The following ZZZ3 variants were observed in gnomAD, a reference collection of about 807,000 sequenced individuals.
ZZZ3 encodes ZZ-type zinc finger-containing protein 3.
ZZZ3 carries 22 observed loss-of-function variants against 95.2 expected under a neutral mutation model. The ratio of observed to expected loss-of-function variants is 0.23; its 90% CI spans 0.17 to 0.33. The LOEUF is 0.33. Among genes scored for constraint, ZZZ3 ranks in the 10% least tolerant of loss-of-function variants. The pLI, the probability that ZZZ3 is intolerant of heterozygous loss-of-function variation, is 1.00. For synonymous variants in ZZZ3, 335 were observed against 358.9 expected (o/e 0.93, Z 0.75); for missense variants, 885 against 1,066.5 (o/e 0.83, Z 2.37).
chr1:77,563,199 A>T lies in ZZZ3; in HGVS notation c.*2441T>A, dbSNP rs1660558691. The T allele has an allele frequency of 6.9e-6, 1 of 145,116 alleles. No individual in the cohort carries two copies. Among genetic ancestry groups the T allele is most frequent in the Admixed American group, 6.7e-5 (1 of 14,862 alleles). The allele number at this position is 145,116 out of a possible 1,614,324, so 9.0% of individuals were successfully genotyped here. A position where few individuals can be genotyped will look rare whatever the true frequency, so the allele number is the denominator to read the frequency against. ...TTGAGCACAATATATCAGGAAATAGATCTTATCTACTGAATACCACTGAAT... is the reference window on the plus strand; with the variant it reads ...TTGAGCACAATATATCAGGAAATAGTTCTTATCTACTGAATACCACTGAAT... On this transcript the variant is annotated 3_prime_UTR_variant, in exon 15 of 15. Coordinates refer to ENST00000370801, the MANE Select transcript of ZZZ3 (RefSeq NM_015534.6).
At chr1:77,629,430 C>T (rs1471573155) in intron 5 of ZZZ3, among the ~76,000 whole-genome samples, 1 of 152,122 alleles carries the variant, frequency 6.6e-6, no homozygotes, top group Non-Finnish European at 1.5e-5. Context: ...TCAGCCTGGA[C>T]AACATGGCGA....
At chr1:77,575,190 A>G (rs567396848) in intron 12 of ZZZ3, among the ~76,000 whole-genome samples, 1 of 152,344 alleles carries the variant, frequency 6.6e-6, no homozygotes, top group African/African-American at 2.4e-5. Flanking sequence ...CCTAAAAAAG[A>G]AAGAAAAAGA....
At chr1:77,592,847 A>G (rs533184422) in intron 5 of ZZZ3, among the ~76,000 whole-genome samples, 3 of 152,362 alleles carry the variant, frequency 2.0e-5, no homozygotes, top group African/African-American at 7.2e-5. Context: ...GAAGACAACC[A>G]ATATACAGCT....
At chr1:77,618,893 C>A (rs927765600) in intron 5 of ZZZ3, among the ~76,000 whole-genome samples, 1 of 152,168 alleles carries the variant, frequency 6.6e-6, no homozygotes, top group Non-Finnish European at 1.5e-5. Flanking sequence ...CTCAAAGATT[C>A]TTATGGGAAC....
intron 1 of ZZZ3, among the ~76,000 whole-genome samples, chr1:77,649,318 C>T (rs1416952177): frequency 6.9e-6 from 1 of 144,006 alleles, no homozygotes; most frequent in Non-Finnish European, 1.5e-5. Flanking sequence ...GGTGGAAGCA[C>T]ATGCCAGAAA....
At chr1:77,666,680 T>C (rs1671279701) in intron 1 of ZZZ3, among the ~76,000 whole-genome samples, 1 of 152,230 alleles carries the variant, frequency 6.6e-6, no homozygotes, top group South Asian at 2.1e-4. Context: ...TTCCAGGCTC[T>C]AAGAACTGCA....
intron 4 of ZZZ3, among the ~76,000 whole-genome samples, chr1:77,639,088 T>C (rs924725122): frequency 3.3e-5 from 5 of 151,920 alleles, no homozygotes; most frequent in Admixed American, 6.6e-5. Context: ...GGTAGGTAGG[T>C]AGGCAGGCAG....
intron 5 of ZZZ3, among the ~76,000 whole-genome samples, chr1:77,600,396 A>G (rs1664618534): frequency 6.6e-6 from 1 of 152,212 alleles, no homozygotes; most frequent in African/African-American, 2.4e-5. Context: ...TGGAGATATA[A>G]CAGTGAACAA....
intron 5 of ZZZ3, among the ~76,000 whole-genome samples, chr1:77,602,743 T>C (rs1664855476): frequency 6.6e-6 from 1 of 151,506 alleles, no homozygotes; most frequent in Non-Finnish European, 1.5e-5. Context: ...GTAGCTGGGA[T>C]TACAGATGTG....
At chr1:77,627,814 T>C (rs200305085) in intron 5 of ZZZ3, among the ~76,000 whole-genome samples, 2 of 152,182 alleles carry the variant, frequency 1.3e-5, no homozygotes, top group Non-Finnish European at 2.9e-5. Flanking sequence ...CTCAAGAATC[T>C]AGAATCCCTA....
chr1:77,578,489 A>G (rs1477892868), intron 11 of ZZZ3, among the ~76,000 whole-genome samples: 1 of 152,234 alleles, frequency 6.6e-6, no homozygotes, highest in Non-Finnish European at 1.5e-5. Flanking sequence ...CAAATATCCT[A>G]AAAACTTTAC....
intron 5 of ZZZ3, among the ~76,000 whole-genome samples, chr1:77,612,240 A>C (rs918387155): frequency 2.0e-5 from 3 of 152,044 alleles, no homozygotes; most frequent in Admixed American, 1.3e-4. Flanking sequence ...CCACTATATG[A>C]TATAACCTCA....
chr1:77,577,469 A>C (rs780485753), intron 11 of ZZZ3, among the ~76,000 whole-genome samples: 22 of 152,250 alleles, frequency 1.4e-4, no homozygotes, highest in Non-Finnish European at 2.6e-4. Context: ...GGAAACCCAA[A>C]ATATTTAAAA....
chr1:77,680,728 A>G (rs529725542), intron 1 of ZZZ3, among the ~76,000 whole-genome samples: 44 of 152,358 alleles, frequency 2.9e-4, no homozygotes, highest in African/African-American at 9.9e-4. Context: ...CTATCATTTT[A>G]ATCACAGTGA....
In ZZZ3 at chr1:77,632,662, G is replaced by A; in HGVS notation, c.693C>T (p.Ser231=). ...DGNTKQNSIG[S]YVLQEKSVAE... is the part of the protein sequence containing the mutation. The stretch of plus-strand genomic sequence containing the variant: ...CTACTGATTTTTCCTGTAACACATA[G>A]GAACCAATGCTATTTTGTTTAGTGT... Residue 231 remains serine (S), a synonymous_variant, in exon 5 of 15, where the codon TCC becomes TCT. Transcript: ENST00000370801. The A allele has an allele frequency of 6.2e-7, 1 of 1,614,122 alleles. No homozygotes were observed. Among genetic ancestry groups the A allele is most frequent in the Non-Finnish European group, 8.5e-7 (1 of 1,180,014 alleles).
chr1:77,641,565 G>T lies in ZZZ3; in HGVS notation c.-312C>A, dbSNP rs1179578161. 1 of 398,130 alleles carries T rather than the reference G, an allele frequency of 2.5e-6. No homozygotes were observed. The highest frequency in any genetic ancestry group is 4.4e-6 in the Non-Finnish European group (1 of 225,856). 24.7% of individuals were successfully genotyped at this position (398,130 alleles called of 1,614,324 possible). A position where few individuals can be genotyped will look rare whatever the true frequency, so the allele number is the denominator to read the frequency against. On this transcript the variant is annotated 5_prime_UTR_variant, in exon 2 of 15. The change creates a premature stop within an existing upstream ORF in the 5' untranslated region. Transcript: ENST00000370801. The stretch of plus-strand genomic sequence containing the variant: ...CCTAGTATTTGATCCCCATGCGTCT[G>T]TATTTATCTGTCATCACTGTTAATT...
At chr1:77,593,171 G>T (rs1015757746) in intron 5 of ZZZ3, among the ~76,000 whole-genome samples, 1 of 152,118 alleles carries the variant, frequency 6.6e-6, no homozygotes, top group East Asian at 1.9e-4. Context: ...GAAACAAACA[G>T]CTTTCTCAGA....
intron 1 of ZZZ3, among the ~76,000 whole-genome samples, chr1:77,655,004 T>C (rs1486514716): frequency 6.6e-6 from 1 of 152,144 alleles, no homozygotes; most frequent in Non-Finnish European, 1.5e-5. Flanking sequence ...CAAGGAATTG[T>C]CTCTGGTGAG....
At chr1:77,660,207 AT>A (rs955513079) in intron 1 of ZZZ3, among the ~76,000 whole-genome samples, 14 of 151,188 alleles carry the variant, frequency 9.3e-5, no homozygotes, top group South Asian at 2.1e-4. Context: ...CCTCCCCAAT[AT>A]TTTTTTTTAT....
Sources: gnomAD v4.1 joint callset for allele counts (sites outside exome capture counted in the v4.1 genomes callset) on GRCh38, gnomAD v4.1.1 for gene constraint, MANE v1.5 for transcripts, NCBI Gene and HGNC (gene_info 2026-07-23, HGNC 2026-07-21) for gene names.